Variants in IQCH observed in about 807,000 individuals in gnomAD.
IQCH encodes IQ motif containing H.
IQCH carries 98 observed loss-of-function variants against 117.0 expected under a neutral mutation model. That is an observed-to-expected ratio of 0.84 (90% CI 0.71 to 0.99). The LOEUF is 0.99. Ranked by LOEUF, IQCH falls within the 50% of genes least tolerant of loss-of-function variation. The probability of loss-of-function intolerance (pLI) is 0.00; values close to 1 mark genes in which losing one functional copy is unlikely to be tolerated. For missense variants in IQCH, 1,102 were observed against 1,243.8 expected, an observed-to-expected ratio of 0.89 and a Z score of 1.72; for synonymous variants, 412 against 448.2, an observed-to-expected ratio of 0.92 and a Z score of 1.02.
intron 4 of IQCH, among the ~76,000 whole-genome samples, chr15:67,309,221 T>C (rs567077695): frequency 2.0e-5 from 3 of 152,264 alleles, no homozygotes; most frequent in Admixed American, 6.5e-5. Flanking sequence ...TATTAGTTAT[T>C]ACTATTGGCA....
At chr15:67,399,310 G>A (rs935757768) in intron 13 of IQCH, among the ~76,000 whole-genome samples, 29 of 152,192 alleles carry the variant, frequency 1.9e-4, no homozygotes, top group African/African-American at 6.5e-4. Context: ...GGTATTAAAT[G>A]AGAAAATTCA....
intron 4 of IQCH, among the ~76,000 whole-genome samples, chr15:67,299,670 G>C (rs1161117156): frequency 6.6e-6 from 1 of 152,016 alleles, no homozygotes; most frequent in Non-Finnish European, 1.5e-5. Context: ...CCACAGTCTG[G>C]ATTTATCTGA....
chr15:67,446,970 C>G (rs2082405423), intron 16 of IQCH, among the ~76,000 whole-genome samples: 1 of 152,182 alleles, frequency 6.6e-6, no homozygotes, highest in South Asian at 2.1e-4. Flanking sequence ...CATCACAGTG[C>G]CCTCTCACAT....
At chr15:67,290,271 T>G (rs1342609292) in intron 4 of IQCH, among the ~76,000 whole-genome samples, 3 of 152,082 alleles carry the variant, frequency 2.0e-5, no homozygotes, top group Non-Finnish European at 4.4e-5. Flanking sequence ...GCTTTGAAAA[T>G]CCTAGAGTCT....
chr15:67,304,293 A>G (rs1342945964), intron 4 of IQCH: 3 of 956,732 alleles, frequency 3.1e-6, no homozygotes, highest in Admixed American at 4.7e-5. Flanking sequence ...GTTAGTAAGC[A>G]TTTTTGTTCA....
At chr15:67,290,777 G>C (rs559370349) in intron 4 of IQCH, among the ~76,000 whole-genome samples, 1 of 152,258 alleles carries the variant, frequency 6.6e-6, no homozygotes, top group East Asian at 1.9e-4. Context: ...CAAACTTTGA[G>C]TGTCAAATTT....
Position 67,421,401 on chromosome 15 carries a change from C to T in IQCH, c.2329C>T (p.His777Tyr). The T allele has an allele frequency of 6.2e-7, 1 of 1,614,190 alleles. No individual in the cohort carries two copies. Among genetic ancestry groups the T allele is most frequent in the Non-Finnish European group, 8.5e-7 (1 of 1,180,010 alleles). ...CGTGCTGTCGACAGGGGACCAGCTT[C>T]ATGCTGAAAGCCCCTTCATCTCCTC... ...ISVLSTGDQL[H>Y]AESPFISSGT... Residue 777 changes from histidine to tyrosine, a missense_variant, in exon 16 of 21, where the codon CAT (histidine) becomes TAT (tyrosine). Transcript: ENST00000335894.
intron 1 of IQCH, among the ~76,000 whole-genome samples, chr15:67,256,331 T>C (rs1013139767): frequency 1.3e-5 from 2 of 152,208 alleles, no homozygotes; most frequent in African/African-American, 4.8e-5. Context: ...GAGAAGCTTA[T>C]CTGAGGCTTT....
At chr15:67,398,423 G>A (rs1971536498) in intron 13 of IQCH, among the ~76,000 whole-genome samples, 1 of 152,166 alleles carries the variant, frequency 6.6e-6, no homozygotes, top group African/African-American at 2.4e-5. Context: ...ATGGTTTGTA[G>A]ACCAGAGTTC....
chr15:67,362,122 T>G (rs904946296), intron 8 of IQCH, among the ~76,000 whole-genome samples: 1 of 142,952 alleles, frequency 7.0e-6, no homozygotes, highest in Non-Finnish European at 1.5e-5. Context: ...TAACTTTATA[T>G]ATATATAACA....
Position 67,395,748 on chromosome 15 carries a change from G to A in IQCH, c.1905+185G>A, listed in dbSNP as rs950250984. Among the ~76,000 whole-genome samples the A allele has an allele frequency of 3.7e-5, 3 of 80,294 alleles. No homozygotes were observed. The highest frequency in any genetic ancestry group is 8.5e-5 in the Non-Finnish European group (3 of 35,198). 52.7% of individuals were successfully genotyped at this position (80,294 alleles called of 152,430 possible). Reference sequence around the variant, plus strand: ...TTTATTTATTTATTTTTGAGATGGAGTCTCACTCTGTCATCCAGGCTGGAG... The same window carrying A: ...TTTATTTATTTATTTTTGAGATGGAATCTCACTCTGTCATCCAGGCTGGAG... On this transcript the variant is annotated intron_variant, in intron 13 of 20. Transcript: ENST00000335894. This position sits in a 1 kb window ranked among gnomAD's most constrained non-coding sequence, Gnocchi z 4.0.
At position 67,454,548 on chromosome 15, in the gene IQCH, A is replaced by G. The variant is rs995970790; in HGVS notation, c.2506-10579A>G. On this transcript the variant is annotated intron_variant, in intron 16 of 20. Coordinates refer to ENST00000335894, the MANE Select transcript of IQCH (RefSeq NM_001031715.3). The surrounding 1 kb of genome is among the most constrained non-coding windows in gnomAD (Gnocchi z 5.2). ...AACCCCAAAAAAGAATGCTGTACAC[A>G]TTAGAAGTCACTCCCCATACCTCCT... Among the ~76,000 whole-genome samples the G allele has an allele frequency of 6.6e-6, 1 of 152,230 alleles. No individual in the cohort carries two copies. The highest frequency in any genetic ancestry group is 2.4e-5 in the African/African-American group (1 of 41,464).
chr15:67,461,313 A>G (rs2082787588), intron 16 of IQCH, among the ~76,000 whole-genome samples: 1 of 152,254 alleles, frequency 6.6e-6, no homozygotes. Flanking sequence ...ATCTGAAACC[A>G]GCCTCAAGTG....
In IQCH at chr15:67,445,046, T is replaced by C. The variant is rs74459943; in HGVS notation, c.2506-20081T>C. 9.2e-3 allele frequency among the ~76,000 whole-genome samples: 1,396 copies of C among 152,322 alleles called. 33 individuals are homozygous for C. Among genetic ancestry groups the C allele is most frequent in the African/African-American group, 0.032 (1,335 of 41,564 alleles). On this transcript the variant is annotated intron_variant, in intron 16 of 20. Coordinates refer to ENST00000335894, the MANE Select transcript of IQCH (RefSeq NM_001031715.3). This position sits in a 1 kb window ranked among gnomAD's most constrained non-coding sequence, Gnocchi z 4.3. ...AATTATTTATGTTTCTTAGAAATAA[T>C]GAATTTGAATTATACTTGGAAAGTG...
At position 67,417,080 on chromosome 15, in the gene IQCH, G is replaced by A; in HGVS notation, c.2218+29G>A. On this transcript the variant is annotated intron_variant, in intron 15 of 20. Coordinates refer to ENST00000335894, the MANE Select transcript of IQCH (RefSeq NM_001031715.3). This position sits in a 1 kb window ranked among gnomAD's most constrained non-coding sequence, Gnocchi z 4.3. ...AATAAGACTGTAAAGTTTCTATTGA[G>A]GATTAGTCTACACAACCTTGGATTC... 6.3e-7 allele frequency: 1 copy of A among 1,578,836 alleles called. No homozygotes were observed. Among genetic ancestry groups the A allele is most frequent in the Non-Finnish European group, 8.6e-7 (1 of 1,163,480 alleles).
At chr15:67,499,782 A>G (rs2083930182) in intron 20 of IQCH, among the ~76,000 whole-genome samples, 1 of 152,224 alleles carries the variant, frequency 6.6e-6, no homozygotes, top group Non-Finnish European at 1.5e-5. Flanking sequence ...ATTCACCTCT[A>G]TAAAAGGAAT....
At position 67,490,266 on chromosome 15, in the gene IQCH, C is replaced by T. The variant is rs1402313355; in HGVS notation, c.2861+202C>T. Among the ~76,000 whole-genome samples the T allele has an allele frequency of 8.5e-5, 13 of 152,078 alleles. No homozygotes were observed. Among genetic ancestry groups the T allele is most frequent in the African/African-American group, 3.1e-4 (13 of 41,408 alleles). On this transcript the variant is annotated intron_variant, in intron 19 of 20. Transcript: ENST00000335894. The surrounding 1 kb of genome is among the most constrained non-coding windows in gnomAD (Gnocchi z 4.9). ...TGTCACCCAGGCTGGAGTGCAGTGG[C>T]GCGATCTCAGCTCACTGCAACCTCC... is the stretch of plus-strand genomic sequence containing the variant.
rs553845781 is a variant in IQCH, at chr15:67,386,263, A to C, written c.1456+1244A>C. Among the ~76,000 whole-genome samples, 21 of 152,166 alleles carry C rather than the reference A, an allele frequency of 1.4e-4. No individual in the cohort carries two copies. The highest frequency in any genetic ancestry group is 2.5e-4 in the Non-Finnish European group (17 of 68,036). On this transcript the variant is annotated intron_variant, in intron 11 of 20. Coordinates refer to ENST00000335894, the MANE Select transcript of IQCH (RefSeq NM_001031715.3). The surrounding 1 kb of genome is among the most constrained non-coding windows in gnomAD (Gnocchi z 5.0). ...CTATATATAGTATAAGCCATCACGA[A>C]ATAATTTCTTTATAAAAGATTCTCA... is the stretch of plus-strand genomic sequence containing the variant.
chr15:67,475,833 A>G lies in IQCH; in HGVS notation c.2799+15A>G, dbSNP rs749546607. On this transcript the variant is annotated intron_variant, in intron 18 of 20. Coordinates refer to ENST00000335894, the MANE Select transcript of IQCH (RefSeq NM_001031715.3). This position sits in a 1 kb window ranked among gnomAD's most constrained non-coding sequence, Gnocchi z 5.7. ...ATGATGTTGAGGTATGAAGGGTTAC[A>G]GTTGGCCAGGGGCGGCCAAAGACAT... 2.5e-6 allele frequency: 4 copies of G among 1,613,036 alleles called. No individual in the cohort carries two copies. Among genetic ancestry groups the G allele is most frequent in the Non-Finnish European group, 1.7e-6 (2 of 1,179,352 alleles).
Sources: gnomAD v4.1 joint callset for allele counts (sites outside exome capture counted in the v4.1 genomes callset) on GRCh38, gnomAD v4.1.1 for gene constraint, Gnocchi (gnomAD v3.1) non-coding constraint, MANE v1.5 for transcripts, NCBI Gene and HGNC (gene_info 2026-07-23, HGNC 2026-07-21) for gene names.